RANGRF: variants seen among roughly 807,000 people sequenced by gnomAD.
The protein encoded by RANGRF is RAN guanine nucleotide release factor.
In RANGRF, 17 loss-of-function variants were observed where a neutral mutation model predicts 21.8. The ratio of observed to expected loss-of-function variants is 0.78; its 90% CI spans 0.53 to 1.17. The LOEUF (loss-of-function observed/expected upper bound fraction) is 1.17, where lower values mean the gene tolerates loss of function less well. Among genes scored for constraint, RANGRF ranks in the 50% most tolerant of loss-of-function variants. RANGRF has a pLI of 0.00. For synonymous variants in RANGRF, 97 were observed against 94.3 expected, an observed-to-expected ratio of 1.03 and a Z score of -0.17; for missense variants, 225 against 235.5, an observed-to-expected ratio of 0.96 and a Z score of 0.29.
Position 8,288,730 on chromosome 17 carries a change from G to A in RANGRF, c.-59G>A. The A allele has an allele frequency of 6.3e-7, 1 of 1,583,524 alleles. No homozygotes were observed. The highest frequency in any genetic ancestry group is 1.1e-5 in the South Asian group (1 of 90,424). ...GCGAAACCCAGGGAGCCGATGCCAC[G>A]TGACCCAATGTGGACTTCTTTTAAA... On this transcript the variant is annotated 5_prime_UTR_variant, in exon 1 of 5. The change creates a new upstream start codon in the 5' untranslated region. Coordinates refer to ENST00000226105, the MANE Select transcript of RANGRF (RefSeq NM_016492.5).
intron 2 of RANGRF, 53 bp downstream of exon 2, chr17:8,289,125 G>C: frequency 6.2e-7 from 1 of 1,604,222 alleles, no homozygotes; most frequent in Non-Finnish European, 8.5e-7. Flanking sequence ...CGGACCAGTG[G>C]GCGGGGCCCG....
Position 8,288,714 on chromosome 17 carries a change from A to C in RANGRF, c.-75A>C. ...GGTGGCGGTGGCAGCTGCGAAACCC[A>C]GGGAGCCGATGCCACGTGACCCAAT... On this transcript the variant is annotated 5_prime_UTR_variant, in exon 1 of 5. Transcript: ENST00000226105. 1 of 1,537,758 alleles carries C rather than the reference A, an allele frequency of 6.5e-7. No homozygotes were observed. The highest frequency in any genetic ancestry group is 9.0e-7 in the Non-Finnish European group (1 of 1,111,642).
Position 8,288,882 on chromosome 17 carries a change from G to GC in RANGRF, c.77+20dup. Reference sequence around the variant, plus strand: ...TGACGTAAGGTGAGAAGGCCGGGGCGCCCAGGGGCGGCTGACTGGGTGGGT... The same window carrying GC: ...TGACGTAAGGTGAGAAGGCCGGGGCGCCCCAGGGGCGGCTGACTGGGTGGGT... On this transcript the variant is annotated intron_variant, in intron 1 of 4. Transcript: ENST00000226105. 1 of 1,614,158 alleles carries GC rather than the reference G, an allele frequency of 6.2e-7. No individual in the cohort carries two copies. Among genetic ancestry groups the GC allele is most frequent in the Non-Finnish European group, 8.5e-7 (1 of 1,179,980 alleles).
chr17:8,289,990 AG>A lies in RANGRF; in HGVS notation c.*59del. ...GAGAACTTGGGGACTCGGTTCTGTG[AG>A]GGGGAAAAGAGGTTGAAAAGAGGGT... is the stretch of plus-strand genomic sequence containing the variant. On this transcript the variant is annotated 3_prime_UTR_variant, in exon 5 of 5. Coordinates refer to ENST00000226105, the MANE Select transcript of RANGRF (RefSeq NM_016492.5). The A allele has an allele frequency of 1.2e-6, 2 of 1,610,644 alleles. No individual in the cohort carries two copies. Among genetic ancestry groups the A allele is most frequent in the Non-Finnish European group, 8.5e-7 (1 of 1,177,052 alleles).
Position 8,288,697 on chromosome 17 carries a change from TG to T in RANGRF, c.-90del. On this transcript the variant is annotated 5_prime_UTR_variant, in exon 1 of 5. Coordinates refer to ENST00000226105, the MANE Select transcript of RANGRF (RefSeq NM_016492.5). ...GAGCTAAGCCAGACCCGGGTGGCGG[TG>T]GCAGCTGCGAAACCCAGGGAGCCGA... The T allele has an allele frequency of 7.1e-7, 1 of 1,408,630 alleles. No homozygotes were observed. The highest frequency in any genetic ancestry group is 1.2e-5 in the South Asian group (1 of 86,736). 87.3% of individuals were successfully genotyped at this position (1,408,630 alleles called of 1,614,324 possible).
intron 1 of RANGRF, 33 bp downstream of exon 1, chr17:8,288,898 C>T (rs776014099): frequency 6.2e-7 from 1 of 1,613,914 alleles, no homozygotes; most frequent in African/African-American, 1.3e-5. Context: ...GGGCGGCTGA[C>T]TGGGTGGGTT....
In RANGRF at chr17:8,288,847, T is replaced by TG. The variant is rs767541224; in HGVS notation, c.64dup (p.Ala22GlyfsTer3). 4 of 1,614,088 alleles carry TG rather than the reference T, an allele frequency of 2.5e-6. No individual in the cohort carries two copies. The East Asian group carries it at 8.9e-5, about 36-fold the overall frequency. ...GGCGCCTTTTCCGCCATCCTCCCCA[T>TG]GGGGGCCATTGACGTAAGGTGAGAA... On this transcript the variant is annotated frameshift_variant, in exon 1 of 5. Coordinates refer to ENST00000226105, the MANE Select transcript of RANGRF (RefSeq NM_016492.5). LOFTEE classifies it high-confidence loss of function.
chr17:8,289,459 G>A (rs757829081), intron 3 of RANGRF, 44 bp from the exon 4 acceptor site: 3 of 1,614,096 alleles, frequency 1.9e-6, no homozygotes, highest in East Asian at 2.2e-5. Context: ...GCGGTAGCGG[G>A]GACGCAGAGA....
Position 8,289,282 on chromosome 17 carries a change from C to T in RANGRF, c.219C>T (p.Gly73=). 2 of 1,613,872 alleles carry T rather than the reference C, an allele frequency of 1.2e-6. No individual in the cohort carries two copies. The highest frequency in any genetic ancestry group is 1.1e-5 in the South Asian group (1 of 91,066). The change falls in exon 3 of 5, where the codon GGC becomes GGT. Residue 73 remains glycine (G), a synonymous_variant. Transcript: ENST00000226105. ...GGTACCACTTTGAGGATGTTGGTGGCGTGCAGGGGGCTAGGGCTGTCCATG... is the reference window on the plus strand; with the variant it reads ...GGTACCACTTTGAGGATGTTGGTGGTGTGCAGGGGGCTAGGGCTGTCCATG... ...AARYHFEDVG[G]VQGARAVHVE...
rs771016687 is a variant in RANGRF, at chr17:8,289,996, A to T, written c.*60A>T. Reference sequence around the variant, plus strand: ...TTGGGGACTCGGTTCTGTGAGGGGGAAAAGAGGTTGAAAAGAGGGTTTCCT... The same window carrying T: ...TTGGGGACTCGGTTCTGTGAGGGGGTAAAGAGGTTGAAAAGAGGGTTTCCT... On this transcript the variant is annotated 3_prime_UTR_variant, in exon 5 of 5. Coordinates refer to ENST00000226105, the MANE Select transcript of RANGRF (RefSeq NM_016492.5). 1 of 1,610,056 alleles carries T rather than the reference A, an allele frequency of 6.2e-7. No individual in the cohort carries two copies. The highest frequency in any genetic ancestry group is 1.1e-5 in the South Asian group (1 of 91,004).
chr17:8,289,428 AGT>A lies in RANGRF; in HGVS notation c.351+19_351+20del. On this transcript the variant is annotated intron_variant, in intron 3 of 4. Coordinates refer to ENST00000226105, the MANE Select transcript of RANGRF (RefSeq NM_016492.5). Reference sequence around the variant, plus strand: ...GAAAACCAGCAGGTGAGGGCCCGAGAGTGTGTAATGTCCTGGAAGGGCGGTAG... The same window carrying A: ...GAAAACCAGCAGGTGAGGGCCCGAGAGTGTAATGTCCTGGAAGGGCGGTAG... The A allele has an allele frequency of 6.2e-7, 1 of 1,613,932 alleles. No individual in the cohort carries two copies. The highest frequency in any genetic ancestry group is 8.5e-7 in the Non-Finnish European group (1 of 1,179,930).
At chr17:8,289,094 G>A (rs763926414) in intron 2 of RANGRF, 22 bp downstream of exon 2, 4 of 1,612,116 alleles carry the variant, frequency 2.5e-6, no homozygotes, top group Non-Finnish European at 3.4e-6. Flanking sequence ...GCCCCCGGCT[G>A]GCCAATGGCA....
In RANGRF at chr17:8,289,348, G is replaced by T. The variant is rs756226505; in HGVS notation, c.285G>T (p.Leu95=). Residue 95 remains leucine, a synonymous_variant, in exon 3 of 5, where the codon CTG becomes CTT. Transcript: ENST00000226105. ...VQPLSLENLA[L]RGRCQEAWVL... is the part of the protein sequence containing the mutation. ...CTCTCAGTTTGGAGAACCTGGCCCTGAGGGGCCGCTGTCAAGAAGCCTGGG... is the reference window on the plus strand; with the variant it reads ...CTCTCAGTTTGGAGAACCTGGCCCTTAGGGGCCGCTGTCAAGAAGCCTGGG... 1 of 1,614,176 alleles carries T rather than the reference G, an allele frequency of 6.2e-7. No homozygotes were observed. Among genetic ancestry groups the T allele is most frequent in the Admixed American group, 1.7e-5 (1 of 60,018 alleles).
chr17:8,289,327 C>T lies in RANGRF; in HGVS notation c.264C>T (p.Leu88=). Residue 88 remains leucine (L), a synonymous_variant, in exon 3 of 5, where the codon CTC becomes CTT. Coordinates refer to ENST00000226105, the MANE Select transcript of RANGRF (RefSeq NM_016492.5). The part of the protein sequence containing the change: ...RAVHVESVQP[L]SLENLALRGR... Reference sequence around the variant, plus strand: ...TCCATGTGGAGTCTGTTCAGCCTCTCAGTTTGGAGAACCTGGCCCTGAGGG... The same window carrying T: ...TCCATGTGGAGTCTGTTCAGCCTCTTAGTTTGGAGAACCTGGCCCTGAGGG... 6.2e-7 allele frequency: 1 copy of T among 1,614,144 alleles called. No individual in the cohort carries two copies.
intron 3 of RANGRF, 40 bp downstream of exon 3, chr17:8,289,454 A>G: frequency 1.9e-6 from 3 of 1,614,158 alleles, no homozygotes; most frequent in Non-Finnish European, 2.5e-6. Context: ...GAAGGGCGGT[A>G]GCGGGGACGC....
Position 8,289,515 on chromosome 17 carries a change from G to T in RANGRF, c.364G>T (p.Val122Leu), listed in dbSNP as rs151189313. 2 of 1,614,202 alleles carry T rather than the reference G, an allele frequency of 1.2e-6. No individual in the cohort carries two copies. The highest frequency in any genetic ancestry group is 1.7e-6 in the Non-Finnish European group (2 of 1,180,040). The change falls in exon 4 of 5, where the codon GTG becomes TTG. Residue 122 changes from valine to leucine, a missense_variant. By Grantham distance (32) the Val-to-Leu change is conservative. Transcript: ENST00000226105. ...AKENQQVAKD[V>L]TLHQALLRLP... ...CTGATCCCCTTAGGTAGCAAAGGAC[G>T]TGACACTTCATCAGGCCTTGCTGAG... is the stretch of plus-strand genomic sequence containing the variant.
rs149958174 is a variant in RANGRF at position 8,289,069 on chromosome 17, C to A, written c.191C>A (p.Ala64Glu). Residue 64 changes from alanine to glutamate, a missense_variant, in exon 2 of 5, where the codon GCG becomes GAG. Physicochemically the swap from Ala to Glu is moderately radical, Grantham distance 107. Coordinates refer to ENST00000226105, the MANE Select transcript of RANGRF (RefSeq NM_016492.5). Reference protein sequence around the residue: ...LQAHVRGEAAARYHFEDVGGV... With the variant: ...LQAHVRGEAAERYHFEDVGGV... ...GCCCACGTACGGGGCGAAGCGGCTG[C>A]GCGGTGAGGGAATGGCCCCCGGCTG... The A allele has an allele frequency of 1.2e-6, 2 of 1,613,392 alleles. No individual in the cohort carries two copies. Among genetic ancestry groups the A allele is most frequent in the African/African-American group, 2.7e-5 (2 of 75,042 alleles).
In RANGRF at chr17:8,289,043, G is replaced by A. The variant is rs767491025; in HGVS notation, c.165G>A (p.Gln55=). The change falls in exon 2 of 5, where the codon CAG becomes CAA. Residue 55 remains glutamine (Q), a synonymous_variant. Transcript: ENST00000226105. The part of the protein sequence containing the change: ...QSLIVELLEL[Q]AHVRGEAAAR... ...TGATAGTGGAACTTCTCGAGCTGCA[G>A]GCCCACGTACGGGGCGAAGCGGCTG... The A allele has an allele frequency of 1.2e-6, 2 of 1,613,972 alleles. No homozygotes were observed. The highest frequency in any genetic ancestry group is 1.7e-6 in the Non-Finnish European group (2 of 1,180,020).
At position 8,288,672 on chromosome 17, in the gene RANGRF, G is replaced by A; in HGVS notation, c.-117G>A. 8.5e-7 allele frequency: 1 copy of A among 1,175,946 alleles called. No homozygotes were observed. Among genetic ancestry groups the A allele is most frequent in the South Asian group, 1.2e-5 (1 of 81,144 alleles). The allele number at this position is 1,175,946 out of a possible 1,614,324, so 72.8% of individuals were successfully genotyped here. A position where few individuals can be genotyped will look rare whatever the true frequency, so the allele number is the denominator to read the frequency against. ...CGGAGCCAAATCTTAAAGGATCCGGGAGCTAAGCCAGACCCGGGTGGCGGT... is the reference window on the plus strand; with the variant it reads ...CGGAGCCAAATCTTAAAGGATCCGGAAGCTAAGCCAGACCCGGGTGGCGGT... On this transcript the variant is annotated 5_prime_UTR_variant, in exon 1 of 5. Transcript: ENST00000226105.
Sources: allele counts gnomAD v4.1 joint callset, GRCh38; gene constraint gnomAD v4.1.1; transcripts MANE v1.5; gene names NCBI Gene and HGNC (gene_info 2026-07-23, HGNC 2026-07-21).